Variants in KIF1A observed in about 807,000 individuals in gnomAD.
KIF1A encodes kinesin family member 1A.
KIF1A carries 46 observed loss-of-function variants against 227.3 expected under a neutral mutation model. The ratio of observed to expected loss-of-function variants is 0.20; its 90% CI spans 0.16 to 0.26. KIF1A has a LOEUF of 0.26. Ranked by LOEUF, KIF1A falls within the 10% of genes least tolerant of loss-of-function variation. The pLI is 1.00. For synonymous variants in KIF1A, 1,022 were observed against 1,012.8 expected (o/e 1.01, Z -0.17); for missense variants, 1,683 against 2,485.9 (o/e 0.68, Z 6.87).
At chr2:240,784,764 C>A (rs1186985182) in intron 7 of KIF1A, among the ~76,000 whole-genome samples, 1 of 152,150 alleles carries the variant, frequency 6.6e-6, no homozygotes, top group Non-Finnish European at 1.5e-5. Flanking sequence ...GAAGATGGCC[C>A]CCTGGCCTGG....
intron 10 of KIF1A, among the ~76,000 whole-genome samples, chr2:240,777,632 C>T (rs893689095): frequency 6.6e-6 from 1 of 152,308 alleles, no homozygotes; most frequent in Non-Finnish European, 1.5e-5. Context: ...CCGACCTATC[C>T]GTCACCAGCG....
chr2:240,744,612 G>A (rs1373502312), intron 32 of KIF1A, among the ~76,000 whole-genome samples: 1 of 152,200 alleles, frequency 6.6e-6, no homozygotes, highest in Non-Finnish European at 1.5e-5. Flanking sequence ...CAGAGGGGGA[G>A]GGCCATGTGA....
intron 13 of KIF1A, 25 bp from the exon 14 acceptor site, chr2:240,772,621 AG>A: frequency 1.4e-6 from 2 of 1,441,144 alleles, no homozygotes; most frequent in Middle Eastern, 1.7e-4. Flanking sequence ...AGCGTGGGGG[AG>A]GGGGAGAGAC....
chr2:240,769,725 C>A lies in KIF1A; in HGVS notation c.1342-19G>T, dbSNP rs763778346. On this transcript the variant is annotated intron_variant, in intron 15 of 48. Coordinates refer to ENST00000498729, the MANE Select transcript of KIF1A (RefSeq NM_001244008.2). ...CTGTTTCCTGGGGATTGAGGCAGAG[C>A]ACAGTGAGCTGCCGGGGCTAGGGCC... 6.2e-7 allele frequency: 1 copy of A among 1,608,754 alleles called. No individual in the cohort carries two copies. The highest frequency in any genetic ancestry group is 8.5e-7 in the Non-Finnish European group (1 of 1,175,842).
At chr2:240,749,248 G>A (rs1037551295) in intron 28 of KIF1A, among the ~76,000 whole-genome samples, 6 of 152,218 alleles carry the variant, frequency 3.9e-5, no homozygotes. Flanking sequence ...AGAGCCGGGA[G>A]AACCAGACAT....
intron 10 of KIF1A, 114 bp downstream of exon 10, chr2:240,782,476 C>T: frequency 8.6e-7 from 1 of 1,168,384 alleles, no homozygotes; most frequent in Middle Eastern, 2.5e-4. Flanking sequence ...CCCACGTCCC[C>T]CATCTCCCAG....
At chr2:240,719,553 G>A (rs984948012) in intron 46 of KIF1A, among the ~76,000 whole-genome samples, 1 of 152,240 alleles carries the variant, frequency 6.6e-6, no homozygotes, top group Non-Finnish European at 1.5e-5. Flanking sequence ...CCCAGCCTAG[G>A]CATGTGGGTC....
chr2:240,717,011 T>G lies in KIF1A; in HGVS notation c.*353A>C, dbSNP rs2044649281. On this transcript the variant is annotated 3_prime_UTR_variant, in exon 49 of 49. Coordinates refer to ENST00000498729, the MANE Select transcript of KIF1A (RefSeq NM_001244008.2). ...CAAGTCTTATAGTTAATTTCCGAGT[T>G]GACTGTTTCAATGTCACTAACTAAC... The G allele has an allele frequency of 3.7e-6, 1 of 272,634 alleles. No individual in the cohort carries two copies. The highest frequency in any genetic ancestry group is 2.2e-5 in the African/African-American group (1 of 45,970). 16.9% of individuals were successfully genotyped at this position (272,634 alleles called of 1,614,324 possible). A position where few individuals can be genotyped will look rare whatever the true frequency, so the allele number is the denominator to read the frequency against.
chr2:240,760,466 A>G lies in KIF1A; in HGVS notation c.2444+199T>C, dbSNP rs3772059. Reference sequence around the variant, plus strand: ...ATCTATTTTTATGTATGATTGCTGCATTGGTAGAAAGAGAATGAGGATTCT... The same window carrying G: ...ATCTATTTTTATGTATGATTGCTGCGTTGGTAGAAAGAGAATGAGGATTCT... On this transcript the variant is annotated intron_variant, in intron 25 of 48. Transcript: ENST00000498729. 0.17 allele frequency among the ~76,000 whole-genome samples: 25,497 copies of G among 152,306 alleles called. 2,457 individuals carry two copies. Among genetic ancestry groups the G allele is most frequent in the Middle Eastern group, 0.26 (76 of 294 alleles).
At position 240,746,034 on chromosome 2, in the gene KIF1A, C is replaced by A. The variant is rs1379920683; in HGVS notation, c.3202+5G>T. 6.2e-7 allele frequency: 1 copy of A among 1,607,426 alleles called. No individual in the cohort carries two copies. The highest frequency in any genetic ancestry group is 1.1e-5 in the South Asian group (1 of 89,710). On this transcript the variant is annotated splice_donor_5th_base_variant and intron_variant, in intron 30 of 48. Transcript: ENST00000498729. ...CGCCCTGGGCAGCTGGGGTGGGCGACCCACCTGAACAGGTGTTGTTGTTGA... is the reference window on the plus strand; with the variant it reads ...CGCCCTGGGCAGCTGGGGTGGGCGAACCACCTGAACAGGTGTTGTTGTTGA...
At chr2:240,767,230 T>C in intron 18 of KIF1A, 36 bp downstream of exon 18, 1 of 1,558,922 alleles carries the variant, frequency 6.4e-7, no homozygotes, top group Non-Finnish European at 8.8e-7. Flanking sequence ...TCCCAGGGCC[T>C]GGCCAGGCTG....
chr2:240,735,926 C>T (rs1181569726), intron 38 of KIF1A, among the ~76,000 whole-genome samples: 3 of 152,028 alleles, frequency 2.0e-5, no homozygotes, highest in African/African-American at 7.2e-5. Context: ...AGGCCACAGG[C>T]AGGGCTGGGA....
At chr2:240,733,022 G>T (rs1037695928) in intron 38 of KIF1A, among the ~76,000 whole-genome samples, 2 of 128,098 alleles carry the variant, frequency 1.6e-5, no homozygotes, top group African/African-American at 5.8e-5. Context: ...GGGAATGAGG[G>T]AGGGATGAGG....
chr2:240,743,904 G>A (rs544219042), intron 33 of KIF1A, 38 bp downstream of exon 33: 5 of 1,343,932 alleles, frequency 3.7e-6, no homozygotes, highest in African/African-American at 2.9e-5. Flanking sequence ...GGGGCTTTGA[G>A]GACAGCAGCC....
rs996061578 is a variant in KIF1A, at chr2:240,790,789, C to T, written c.107-1477G>A. On this transcript the variant is annotated intron_variant, in intron 2 of 48. Coordinates refer to ENST00000498729, the MANE Select transcript of KIF1A (RefSeq NM_001244008.2). This position sits in a 1 kb window ranked among gnomAD's most constrained non-coding sequence, Gnocchi z 5.0. Reference sequence around the variant, plus strand: ...ACAAGCTAGGAACACCAGAAGCAGCCGGCAAGCCCCAGAAGCTGGAGGGCC... The same window carrying T: ...ACAAGCTAGGAACACCAGAAGCAGCTGGCAAGCCCCAGAAGCTGGAGGGCC... Among the ~76,000 whole-genome samples the T allele has an allele frequency of 2.0e-5, 3 of 152,162 alleles. No homozygotes were observed. Among genetic ancestry groups the T allele is most frequent in the African/African-American group, 2.4e-5 (1 of 41,518 alleles).
chr2:240,809,494 G>A (rs1012631405), intron 1 of KIF1A, among the ~76,000 whole-genome samples: 37 of 152,258 alleles, frequency 2.4e-4, no homozygotes, highest in Admixed American at 1.2e-3. Flanking sequence ...GGGAGAGGAC[G>A]GACGACCGAA....
chr2:240,799,001 G>A lies in KIF1A; in HGVS notation c.-60-1189C>T, dbSNP rs1197339863. ...ACATTCCATGAAGAGGCAACCTTCT[G>A]CCTGGTCGTCCCCATCTGTAAGTGC... On this transcript the variant is annotated intron_variant, in intron 1 of 48. Coordinates refer to ENST00000498729, the MANE Select transcript of KIF1A (RefSeq NM_001244008.2). Among the ~76,000 whole-genome samples, 6 of 152,328 alleles carry A rather than the reference G, an allele frequency of 3.9e-5. No homozygotes were observed. In the East Asian group the frequency reaches 1.2e-3, roughly 29 times the overall value.
intron 27 of KIF1A, 106 bp from the exon 28 acceptor site, chr2:240,750,653 G>A (rs764228786): frequency 2.0e-5 from 16 of 820,320 alleles, no homozygotes; most frequent in Non-Finnish European, 2.8e-5. Flanking sequence ...GAGCTGCAAA[G>A]CAGAGGGAAG....
At chr2:240,767,424 TC>T in intron 17 of KIF1A, 79 bp from the exon 18 acceptor site, 1 of 1,199,928 alleles carries the variant, frequency 8.3e-7, no homozygotes, top group Non-Finnish European at 1.2e-6. Context: ...CCAACCTCTC[TC>T]CAGGCACCAG....
Sources: allele counts gnomAD v4.1 joint callset (sites outside exome capture counted in the v4.1 genomes callset), GRCh38; gene constraint gnomAD v4.1.1; non-coding constraint Gnocchi (gnomAD v3.1); transcripts MANE v1.5; gene names NCBI Gene and HGNC (gene_info 2026-07-23, HGNC 2026-07-21).